ZNF496: variants seen among roughly 807,000 people sequenced by gnomAD.
ZNF496 encodes the protein zinc finger protein 496, also known as NSD1 (nuclear receptor binding SET-domain containing 1)-interacting zinc finger protein 1.
ZNF496 carries 11 observed loss-of-function variants against 58.9 expected under a neutral mutation model. The observed-to-expected ratio is 0.19, with a 90% CI of 0.12 to 0.31. The LOEUF (loss-of-function observed/expected upper bound fraction) is 0.31, where lower values mean the gene tolerates loss of function less well. Ranked by LOEUF, ZNF496 falls within the 10% of genes least tolerant of loss-of-function variation. The probability of loss-of-function intolerance (pLI) is 1.00; values close to 1 mark genes in which losing one functional copy is unlikely to be tolerated. For missense variants in ZNF496, 660 were observed against 783.0 expected (o/e 0.84, Z 1.88); for synonymous variants, 338 against 318.2 (o/e 1.06, Z -0.66).
chr1:247,302,766 T>C (rs1572069275), intron 9 of ZNF496, among the ~76,000 whole-genome samples: 1 of 152,192 alleles, frequency 6.6e-6, no homozygotes, highest in Admixed American at 6.5e-5. Context: ...TGGCAGCCCG[T>C]TGCTCTAAGC....
In ZNF496 at chr1:247,308,466, C is replaced by T; in HGVS notation, c.1006+9G>A. 1.9e-6 allele frequency: 3 copies of T among 1,613,582 alleles called. No homozygotes were observed. The highest frequency in any genetic ancestry group is 2.2e-5 in the East Asian group (1 of 44,868). On this transcript the variant is annotated intron_variant, in intron 9 of 9. Transcript: ENST00000682384. The surrounding 1 kb of genome is among the most constrained non-coding windows in gnomAD (Gnocchi z 4.5). ...GGGACAAACCCATACCTCCCTGACC[C>T]TTCTTTACCTGGGTAGGTGTTTTGA...
At chr1:247,312,744 A>AAAAAG (rs1659643805) in intron 6 of ZNF496, 1 of 152,040 alleles carries the variant, frequency 6.6e-6, no homozygotes. Flanking sequence ...AAAAAAAAAA[A>AAAAAG]AAAAAGAAAA....
intron 6 of ZNF496, chr1:247,310,750 G>A (rs560345118): frequency 2.1e-4 from 63 of 299,388 alleles, no homozygotes; most frequent in Admixed American, 5.2e-4. Context: ...TCCCACTCAT[G>A]AGGACTTTGC....
Position 247,300,977 on chromosome 1 carries a change from C to T in ZNF496, c.1306G>A (p.Glu436Lys), listed in dbSNP as rs1396285681. 3 of 1,613,756 alleles carry T rather than the reference C, an allele frequency of 1.9e-6. No homozygotes were observed. Among genetic ancestry groups the T allele is most frequent in the Non-Finnish European group, 2.5e-6 (3 of 1,180,042 alleles). ...RSRREQEKPH[E>K]CSVCGELFSD... ...AACAGCTCCCCGCACACCGAGCACT[C>T]GTGCGGCTTCTCCTGCTCCCTGCGG... The change falls in exon 10 of 10, where the codon GAG becomes AAG. Residue 436 changes from glutamate (E) to lysine (K), a missense_variant. Glu to Lys is a moderately conservative substitution (Grantham distance 56). Coordinates refer to ENST00000682384, the MANE Select transcript of ZNF496 (RefSeq NM_032752.3). The surrounding 1 kb of genome is among the most constrained non-coding windows in gnomAD (Gnocchi z 5.7).
At chr1:247,304,496 T>C (rs542881260) in intron 9 of ZNF496, among the ~76,000 whole-genome samples, 27 of 152,068 alleles carry the variant, frequency 1.8e-4, no homozygotes, top group African/African-American at 6.5e-4. Context: ...CTCAGCCTCC[T>C]GAGTAGCTGG....
At chr1:247,311,729 G>GGGTGGCCCTGCCCCTGGCTTTT (rs74163747) in intron 6 of ZNF496, 139,370 of 152,150 alleles carry the variant, frequency 0.92, 64,813 homozygotes, top group East Asian at 1. Context: ...CCAAGGCCCT[G>GGGTGGCCCTGCCCCTGGCTTTT]GGTGGTCCCG....
At chr1:247,323,504 T>C (rs954370233) in intron 5 of ZNF496, among the ~76,000 whole-genome samples, 2 of 152,190 alleles carry the variant, frequency 1.3e-5, no homozygotes, top group African/African-American at 4.8e-5. Context: ...CAAGGGGGGC[T>C]GTAACAGAGT....
intron 5 of ZNF496, among the ~76,000 whole-genome samples, chr1:247,325,761 C>G (rs1310395122): frequency 2.6e-5 from 4 of 152,134 alleles, no homozygotes; most frequent in Non-Finnish European, 4.4e-5. Context: ...CCCTGAGTAG[C>G]TGGAACTATA....
intron 6 of ZNF496, chr1:247,312,741 A>G (rs962784487): frequency 2.6e-5 from 4 of 152,126 alleles, no homozygotes; most frequent in Non-Finnish European, 5.9e-5. Flanking sequence ...CTCAAAAAAA[A>G]AAAAAAAAGA....
Position 247,298,717 on chromosome 1 carries a change from A to C in ZNF496, c.*1802T>G, listed in dbSNP as rs1659152049. ...GGATGTGACATATGAATAATACAAA[A>C]TACCCGTCTGGTTTGACTTGCAGAT... On this transcript the variant is annotated 3_prime_UTR_variant, in exon 10 of 10. Transcript: ENST00000682384. The C allele has an allele frequency of 6.6e-6, 1 of 152,254 alleles. No individual in the cohort carries two copies. The highest frequency in any genetic ancestry group is 6.5e-5 in the Admixed American group (1 of 15,284). 9.4% of individuals were successfully genotyped at this position (152,254 alleles called of 1,614,324 possible).
chr1:247,314,913 C>CT (rs945009087), intron 6 of ZNF496, among the ~76,000 whole-genome samples: 3 of 150,986 alleles, frequency 2.0e-5, no homozygotes, highest in African/African-American at 4.9e-5. Context: ...TGACCAGCTA[C>CT]TTTTTTTTTG....
At chr1:247,322,397 T>C (rs1440610166) in intron 6 of ZNF496, among the ~76,000 whole-genome samples, 2 of 152,218 alleles carry the variant, frequency 1.3e-5, no homozygotes, top group African/African-American at 2.4e-5. Context: ...TTTTCACAGT[T>C]TTCTGTTGGG....
chr1:247,316,215 G>A (rs1282326589), intron 6 of ZNF496, among the ~76,000 whole-genome samples: 4 of 16,396 alleles, frequency 2.4e-4, no homozygotes, highest in Non-Finnish European at 4.7e-4. Context: ...GCGCGCGTGC[G>A]CGTGTGTGTG....
chr1:247,309,647 C>T lies in ZNF496; in HGVS notation c.892+52G>A. ...CAGAGAGTGGGCTCACCTCCGGCTGCCAGCAACCCTTCCCCCTACTCTGTC... is the reference window on the plus strand; with the variant it reads ...CAGAGAGTGGGCTCACCTCCGGCTGTCAGCAACCCTTCCCCCTACTCTGTC... On this transcript the variant is annotated intron_variant, in intron 8 of 9. Transcript: ENST00000682384. The surrounding 1 kb of genome is among the most constrained non-coding windows in gnomAD (Gnocchi z 4.3). 2 of 1,605,372 alleles carry T rather than the reference C, an allele frequency of 1.2e-6. No homozygotes were observed. Among genetic ancestry groups the T allele is most frequent in the Non-Finnish European group, 1.7e-6 (2 of 1,175,072 alleles).
intron 6 of ZNF496, among the ~76,000 whole-genome samples, chr1:247,319,122 T>C (rs565543693): frequency 2.0e-4 from 31 of 152,276 alleles, no homozygotes; most frequent in African/African-American, 7.0e-4. Flanking sequence ...GCTGGCACTA[T>C]AGGAGCACAC....
chr1:247,315,937 G>C (rs1361697677), intron 6 of ZNF496, among the ~76,000 whole-genome samples: 1 of 152,132 alleles, frequency 6.6e-6, no homozygotes, highest in East Asian at 1.9e-4. Context: ...GCTCGGAAGA[G>C]GTCAGTGTGG....
chr1:247,326,069 T>TACAC, intron 5 of ZNF496, among the ~76,000 whole-genome samples: 1 of 146,616 alleles, frequency 6.8e-6, no homozygotes, highest in Non-Finnish European at 1.5e-5. Flanking sequence ...CACACATATA[T>TACAC]ACACACACAC....
chr1:247,315,642 G>T (rs1286562517), intron 6 of ZNF496, among the ~76,000 whole-genome samples: 1 of 152,096 alleles, frequency 6.6e-6, no homozygotes, highest in Non-Finnish European at 1.5e-5. Context: ...GGGTGGGAGT[G>T]GGTAAGGAAG....
At chr1:247,315,625 A>G (rs1459244689) in intron 6 of ZNF496, among the ~76,000 whole-genome samples, 3 of 152,076 alleles carry the variant, frequency 2.0e-5, no homozygotes, top group African/African-American at 7.2e-5. Context: ...GGAAAAATAG[A>G]ATGAGGGGGT....
Sources: gnomAD v4.1 joint callset for allele counts (sites outside exome capture counted in the v4.1 genomes callset) on GRCh38, gnomAD v4.1.1 for gene constraint, Gnocchi (gnomAD v3.1) non-coding constraint, MANE v1.5 for transcripts, NCBI Gene and HGNC (gene_info 2026-07-23, HGNC 2026-07-21) for gene names.